Variants in CNTN4 observed in about 807,000 individuals in gnomAD.
CNTN4 encodes contactin-4.
Under a neutral mutation model 122.5 loss-of-function variants are expected in CNTN4, and 77 were observed. The observed-to-expected ratio is 0.63, with a 90% confidence interval of 0.52 to 0.76. The LOEUF is 0.76. Ranked by LOEUF, CNTN4 falls within the 30% of genes least tolerant of loss-of-function variation. CNTN4 has a pLI of 0.00. For missense variants in CNTN4, 1,256 were observed against 1,259.1 expected, an observed-to-expected ratio of 1.00 and a Z score of 0.04; for synonymous variants, 512 against 447.0, an observed-to-expected ratio of 1.15 and a Z score of -1.83.
chr3:2,650,242 G>C (rs1440651547), intron 4 of CNTN4, among the ~76,000 whole-genome samples: 1 of 151,958 alleles, frequency 6.6e-6, no homozygotes, highest in Non-Finnish European at 1.5e-5. Context: ...AACTGCAGAT[G>C]TGGTGGAAAT....
chr3:2,698,778 G>A lies in CNTN4; in HGVS notation c.56-37437G>A, dbSNP rs546456045. On this transcript the variant is annotated intron_variant, in intron 4 of 24. Coordinates refer to ENST00000418658, the MANE Select transcript of CNTN4 (RefSeq NM_175607.3). ...TTTAAGAGCCTGGCCAACACTTTGGGAGGCCAAGGCGGGCGGATCACCTGA... is the reference window on the plus strand; with the variant it reads ...TTTAAGAGCCTGGCCAACACTTTGGAAGGCCAAGGCGGGCGGATCACCTGA... Among the ~76,000 whole-genome samples, 9 of 152,250 alleles carry A rather than the reference G, an allele frequency of 5.9e-5. No individual in the cohort carries two copies. In the East Asian group the frequency reaches 1.7e-3, roughly 29 times the overall value.
At position 2,698,115 on chromosome 3, in the gene CNTN4, G is replaced by A. The variant is rs1179723481; in HGVS notation, c.56-38100G>A. On this transcript the variant is annotated intron_variant, in intron 4 of 24. Transcript: ENST00000418658. ...GCTAATCTATGCAGTAACTACTATA[G>A]TTGCTCAGATGTTGCAGAAATTATC... Among the ~76,000 whole-genome samples the A allele has an allele frequency of 1.1e-4, 16 of 152,182 alleles. 1 individual carries two copies. Among genetic ancestry groups the A allele is most frequent in the Non-Finnish European group, 1.5e-5 (1 of 68,030 alleles).
chr3:2,573,982 C>T (rs369770541), intron 4 of CNTN4, among the ~76,000 whole-genome samples: 4 of 152,038 alleles, frequency 2.6e-5, no homozygotes, highest in South Asian at 4.1e-4. Context: ...TTTGGGAGGC[C>T]GAGGTGGGTG....
chr3:2,217,679 A>G lies in CNTN4; in HGVS notation c.-145+117040A>G, dbSNP rs1001161244. On this transcript the variant is annotated intron_variant, in intron 2 of 24. Coordinates refer to ENST00000418658, the MANE Select transcript of CNTN4 (RefSeq NM_175607.3). ...AAACCAAAGGCCTGAGAAAAGCATTATAAAGAGAGAGAGAAAAAAATCTCT... is the reference window on the plus strand; with the variant it reads ...AAACCAAAGGCCTGAGAAAAGCATTGTAAAGAGAGAGAGAAAAAAATCTCT... Among the ~76,000 whole-genome samples the G allele has an allele frequency of 4.8e-5, 4 of 83,838 alleles. No individual in the cohort carries two copies. The East Asian group carries it at 1.3e-3, about 28-fold the overall frequency. 55.0% of individuals were successfully genotyped at this position (83,838 alleles called of 152,430 possible).
chr3:2,375,215 T>C (rs925842628), intron 3 of CNTN4, among the ~76,000 whole-genome samples: 3 of 152,224 alleles, frequency 2.0e-5, no homozygotes, highest in African/African-American at 7.2e-5. Context: ...ACAGATATTA[T>C]CTGAGGCATT....
chr3:2,721,939 C>G (rs1157117260), intron 4 of CNTN4, among the ~76,000 whole-genome samples: 1 of 152,194 alleles, frequency 6.6e-6, no homozygotes, highest in African/African-American at 2.4e-5. Flanking sequence ...AGAGAGCTGC[C>G]TTTCCCCTTT....
At chr3:2,292,981 C>T (rs1373428424) in intron 2 of CNTN4, among the ~76,000 whole-genome samples, 1 of 152,198 alleles carries the variant, frequency 6.6e-6, no homozygotes, top group Non-Finnish European at 1.5e-5. Context: ...AGCTCTTCTT[C>T]AAAGTGATTG....
chr3:2,557,361 T>G (rs1183204008), intron 3 of CNTN4, among the ~76,000 whole-genome samples: 2 of 152,220 alleles, frequency 1.3e-5, no homozygotes, highest in Non-Finnish European at 2.9e-5. Context: ...ATAAGAAATT[T>G]AGGGGAAACC....
intron 24 of CNTN4, among the ~76,000 whole-genome samples, chr3:3,055,862 T>C (rs1701736056): frequency 6.6e-6 from 1 of 152,228 alleles, no homozygotes; most frequent in Non-Finnish European, 1.5e-5. Flanking sequence ...TTACTAGTAA[T>C]ATTGAAGTTT....
At chr3:2,182,835 T>C (rs1051050340) in intron 2 of CNTN4, among the ~76,000 whole-genome samples, 8 of 152,080 alleles carry the variant, frequency 5.3e-5, no homozygotes, top group African/African-American at 1.9e-4. Context: ...CACAGGTTTT[T>C]TTTTTTTTCT....
At chr3:2,728,953 A>G (rs1045335822) in intron 4 of CNTN4, among the ~76,000 whole-genome samples, 2 of 152,222 alleles carry the variant, frequency 1.3e-5, no homozygotes, top group East Asian at 3.9e-4. Context: ...GCAGCACTTC[A>G]TACCTGCCAT....
At chr3:2,183,133 C>T (rs1268195523) in intron 2 of CNTN4, among the ~76,000 whole-genome samples, 1 of 152,096 alleles carries the variant, frequency 6.6e-6, no homozygotes, top group Non-Finnish European at 1.5e-5. Context: ...AAACAGAAAG[C>T]AGCTATAACA....
chr3:2,106,586 A>G (rs1022177803), intron 2 of CNTN4, among the ~76,000 whole-genome samples: 1 of 152,210 alleles, frequency 6.6e-6, no homozygotes, highest in African/African-American at 2.4e-5. Flanking sequence ...CAGGGCACCA[A>G]GTCCCTAGGC....
At chr3:2,520,838 A>G (rs926020194) in intron 3 of CNTN4, among the ~76,000 whole-genome samples, 8 of 152,162 alleles carry the variant, frequency 5.3e-5, no homozygotes, top group South Asian at 4.1e-4. Flanking sequence ...AGGTGGTCCC[A>G]TCTTGAGGAC....
intron 4 of CNTN4, among the ~76,000 whole-genome samples, chr3:2,675,938 G>A (rs1421601737): frequency 6.6e-6 from 1 of 152,068 alleles, no homozygotes; most frequent in African/African-American, 2.4e-5. Context: ...TCTTAGAAAA[G>A]TTAAACAACT....
chr3:2,663,315 G>A (rs2083995772), intron 4 of CNTN4, among the ~76,000 whole-genome samples: 1 of 152,124 alleles, frequency 6.6e-6, no homozygotes, highest in African/African-American at 2.4e-5. Flanking sequence ...CATAGAATAG[G>A]GATGGATTCA....
chr3:2,855,171 T>TC (rs2093605068), intron 7 of CNTN4, among the ~76,000 whole-genome samples: 1 of 152,112 alleles, frequency 6.6e-6, no homozygotes, highest in Non-Finnish European at 1.5e-5. Context: ...CCTACCACAG[T>TC]CCCCCTCAAC....
chr3:2,560,139 C>CT (rs1377497892), intron 3 of CNTN4, among the ~76,000 whole-genome samples: 3 of 140,582 alleles, frequency 2.1e-5, no homozygotes, highest in Admixed American at 7.0e-5. Flanking sequence ...TATTCTTTTT[C>CT]TTTTTCTTTT....
At chr3:2,136,485 C>G (rs1175058638) in intron 2 of CNTN4, among the ~76,000 whole-genome samples, 1 of 152,024 alleles carries the variant, frequency 6.6e-6, no homozygotes, top group Admixed American at 6.6e-5. Flanking sequence ...TATTTGGGCT[C>G]TGTGTATATA....
Sources: allele counts gnomAD v4.1 joint callset (sites outside exome capture counted in the v4.1 genomes callset), GRCh38; gene constraint gnomAD v4.1.1; transcripts MANE v1.5; gene names NCBI Gene and HGNC (gene_info 2026-07-23, HGNC 2026-07-21).